CAMK1D: variants seen among roughly 807,000 people sequenced by gnomAD.
CAMK1D encodes the protein calcium/calmodulin dependent protein kinase ID.
Under a neutral mutation model 47.7 loss-of-function variants are expected in CAMK1D, and 9 were observed. The ratio of observed to expected loss-of-function variants is 0.19; its 90% CI spans 0.11 to 0.33. The LOEUF is 0.33. Among genes scored for constraint, CAMK1D ranks in the 10% least tolerant of loss-of-function variants. The pLI is 1.00. For synonymous variants in CAMK1D, 184 were observed against 184.9 expected (o/e 0.99, Z 0.04); for missense variants, 291 against 488.7 (o/e 0.60, Z 3.81).
intron 1 of CAMK1D, among the ~76,000 whole-genome samples, chr10:12,375,975 C>T (rs1314813340): frequency 2.6e-5 from 4 of 151,612 alleles, no homozygotes; most frequent in Admixed American, 1.3e-4. Flanking sequence ...CCAGCCTGGC[C>T]AACATAGCGA....
intron 2 of CAMK1D, among the ~76,000 whole-genome samples, chr10:12,606,264 A>G (rs1248813895): frequency 1.3e-5 from 2 of 152,134 alleles, no homozygotes; most frequent in Non-Finnish European, 2.9e-5. Context: ...CCCCTCACAC[A>G]CAGCACCTAC....
chr10:12,387,479 C>T (rs1838565180), intron 1 of CAMK1D, among the ~76,000 whole-genome samples: 1 of 92,644 alleles, frequency 1.1e-5, no homozygotes, highest in African/African-American at 3.5e-5. Context: ...ATTGTAAACT[C>T]TTAATGAAAG....
intron 5 of CAMK1D, among the ~76,000 whole-genome samples, chr10:12,774,621 C>A (rs1837194893): frequency 6.6e-6 from 1 of 152,126 alleles, no homozygotes; most frequent in Non-Finnish European, 1.5e-5. Flanking sequence ...GACAGGGGTT[C>A]CTAACCCCTG....
chr10:12,452,078 C>G (rs923396666), intron 1 of CAMK1D, among the ~76,000 whole-genome samples: 6 of 152,158 alleles, frequency 3.9e-5, no homozygotes, highest in Non-Finnish European at 1.5e-5. Context: ...TCTCGTGGAG[C>G]AGGCGAGTCA....
intron 3 of CAMK1D, among the ~76,000 whole-genome samples, chr10:12,687,334 C>A (rs1322696477): frequency 2.0e-5 from 3 of 151,654 alleles, no homozygotes; most frequent in African/African-American, 7.3e-5. Flanking sequence ...ATGCCTCCTG[C>A]GTTGTGCCCC....
At chr10:12,416,517 G>A (rs1012253800) in intron 1 of CAMK1D, among the ~76,000 whole-genome samples, 5 of 152,218 alleles carry the variant, frequency 3.3e-5, no homozygotes, top group East Asian at 1.9e-4. Flanking sequence ...CTGCAGCTCC[G>A]GCTGGAGGCC....
At chr10:12,381,489 C>A (rs4253980) in intron 1 of CAMK1D, among the ~76,000 whole-genome samples, 21,421 of 152,008 alleles carry the variant, frequency 0.14, 1,582 homozygotes, top group South Asian at 0.2. Flanking sequence ...GCGCATGCCA[C>A]TGCACCTGGC....
At chr10:12,547,383 C>T (rs78960219) in intron 1 of CAMK1D, among the ~76,000 whole-genome samples, 6 of 152,274 alleles carry the variant, frequency 3.9e-5, no homozygotes, top group Non-Finnish European at 8.8e-5. Flanking sequence ...CAAGCTGTGC[C>T]CAGACGACAG....
intron 1 of CAMK1D, among the ~76,000 whole-genome samples, chr10:12,399,349 CA>C: frequency 6.6e-6 from 1 of 152,122 alleles, no homozygotes; most frequent in Admixed American, 6.6e-5. Context: ...ACTAAAAATA[CA>C]AAAATTAGCT....
chr10:12,452,480 G>C (rs1006334592), intron 1 of CAMK1D, among the ~76,000 whole-genome samples: 1 of 151,268 alleles, frequency 6.6e-6, no homozygotes, highest in Non-Finnish European at 1.5e-5. Context: ...TATTTATAAT[G>C]TATAAATATA....
intron 1 of CAMK1D, among the ~76,000 whole-genome samples, chr10:12,417,509 G>A (rs1021230370): frequency 2.0e-5 from 3 of 152,200 alleles, no homozygotes; most frequent in Admixed American, 2.0e-4. Context: ...AATTGCTCAG[G>A]GTTCTGCAGA....
chr10:12,620,323 C>T (rs913514808), intron 2 of CAMK1D, among the ~76,000 whole-genome samples: 2 of 151,514 alleles, frequency 1.3e-5, no homozygotes, highest in African/African-American at 4.9e-5. Flanking sequence ...ATGGTGGTTG[C>T]ATGTTCCATT....
intron 1 of CAMK1D, among the ~76,000 whole-genome samples, chr10:12,479,117 G>A (rs545876305): frequency 6.6e-6 from 1 of 152,306 alleles, no homozygotes; most frequent in African/African-American, 2.4e-5. Context: ...TGGAGTATGT[G>A]AAAACGGCTC....
At chr10:12,395,621 G>C (rs1047915165) in intron 1 of CAMK1D, among the ~76,000 whole-genome samples, 2 of 152,038 alleles carry the variant, frequency 1.3e-5, no homozygotes, top group Non-Finnish European at 2.9e-5. Flanking sequence ...ACTGTAGAAG[G>C]GTTGGTTTTT....
At chr10:12,484,123 G>A (rs906561235) in intron 1 of CAMK1D, among the ~76,000 whole-genome samples, 3 of 152,134 alleles carry the variant, frequency 2.0e-5, no homozygotes, top group Admixed American at 6.5e-5. Context: ...GCTTCACTGC[G>A]CGCATCCAAG....
chr10:12,480,442 A>T (rs1834031186), intron 1 of CAMK1D, among the ~76,000 whole-genome samples: 1 of 147,788 alleles, frequency 6.8e-6, no homozygotes. Flanking sequence ...CTCAAAAACA[A>T]AAAACAAAAA....
chr10:12,677,019 C>G (rs1840831491), intron 3 of CAMK1D, among the ~76,000 whole-genome samples: 1 of 152,118 alleles, frequency 6.6e-6, no homozygotes, highest in African/African-American at 2.4e-5. Flanking sequence ...AAGCTAAGGA[C>G]AAAACACCCA....
chr10:12,378,919 C>T (rs1838263826), intron 1 of CAMK1D, among the ~76,000 whole-genome samples: 1 of 151,674 alleles, frequency 6.6e-6, no homozygotes, highest in African/African-American at 2.4e-5. Context: ...AAGTGATTCT[C>T]CTGTCTCAGC....
At chr10:12,718,607 G>A (rs1220068924) in intron 3 of CAMK1D, among the ~76,000 whole-genome samples, 2 of 152,212 alleles carry the variant, frequency 1.3e-5, no homozygotes, top group Admixed American at 1.3e-4. Context: ...CAGGTCTTCA[G>A]AGTTTCGAGC....
Sources: allele counts gnomAD v4.1 joint callset (sites outside exome capture counted in the v4.1 genomes callset), GRCh38; gene constraint gnomAD v4.1.1; transcripts MANE v1.5; gene names NCBI Gene and HGNC (gene_info 2026-07-23, HGNC 2026-07-21).